NECAB1: variants seen among roughly 807,000 people sequenced by gnomAD.
NECAB1 encodes N-terminal EF-hand calcium-binding protein 1.
In NECAB1, 29 loss-of-function variants were observed where a neutral mutation model predicts 57.5. The observed-to-expected ratio is 0.50, with a 90% confidence interval of 0.38 to 0.69. The LOEUF (loss-of-function observed/expected upper bound fraction) is 0.69, where lower values mean the gene tolerates loss of function less well. NECAB1 is among the 30% of genes least tolerant of loss of function. NECAB1 has a pLI of 0.00. For synonymous variants in NECAB1, 142 were observed against 147.7 expected (o/e 0.96, Z 0.28); for missense variants, 372 against 413.8 (o/e 0.90, Z 0.88).
intron 3 of NECAB1, among the ~76,000 whole-genome samples, chr8:90,834,293 T>A (rs1047244751): frequency 3.3e-5 from 5 of 152,120 alleles, no homozygotes; most frequent in African/African-American, 1.2e-4. Flanking sequence ...AGGAAAATAT[T>A]TCCCCCACTG....
At chr8:90,906,889 A>ATATATATATATATATATGTATGTATG (rs1586111020) in intron 5 of NECAB1, among the ~76,000 whole-genome samples, 3 of 72,862 alleles carry the variant, frequency 4.1e-5, no homozygotes, top group East Asian at 1.1e-3. Flanking sequence ...ATATATATAT[A>ATATATATATATATATATGTATGTATG]TATATATATA....
At position 90,830,506 on chromosome 8, in the gene NECAB1, G is replaced by C. The variant is rs113642418; in HGVS notation, c.233+5681G>C. Among the ~76,000 whole-genome samples, 52 of 152,214 alleles carry C rather than the reference G, an allele frequency of 3.4e-4. 1 individual carries two copies. The highest frequency in any genetic ancestry group is 1.2e-3 in the African/African-American group (50 of 41,562). Reference sequence around the variant, plus strand: ...GCAATGAACAAACCGGGCTTGCCAGGCTTGGGTTTCAGCAATACAAATTTG... The same window carrying C: ...GCAATGAACAAACCGGGCTTGCCAGCCTTGGGTTTCAGCAATACAAATTTG... On this transcript the variant is annotated intron_variant, in intron 3 of 12. Transcript: ENST00000417640.
Position 90,811,017 on chromosome 8 carries a change from G to A in NECAB1, c.124+9302G>A, listed in dbSNP as rs1057046199. 8.6e-5 allele frequency among the ~76,000 whole-genome samples: 13 copies of A among 150,614 alleles called. 1 individual carries two copies. The highest frequency in any genetic ancestry group is 1.5e-4 in the Non-Finnish European group (10 of 67,798). ...GGCTGGAGCGCAGTGGTGCAATCTC[G>A]GCTCACCGCAACCTCCACCTCCCAG... On this transcript the variant is annotated intron_variant, in intron 2 of 12. Transcript: ENST00000417640.
At chr8:90,839,409 T>G (rs1321393619) in intron 3 of NECAB1, among the ~76,000 whole-genome samples, 1 of 152,186 alleles carries the variant, frequency 6.6e-6, no homozygotes, top group Non-Finnish European at 1.5e-5. Context: ...GTTCTCCATG[T>G]GCAAGTTATT....
At chr8:90,951,857 T>C (rs1313650855) in intron 12 of NECAB1, among the ~76,000 whole-genome samples, 3 of 152,050 alleles carry the variant, frequency 2.0e-5, no homozygotes, top group African/African-American at 7.2e-5. Context: ...ACTTCTTTAA[T>C]AGTTTTTAAG....
intron 6 of NECAB1, among the ~76,000 whole-genome samples, chr8:90,921,479 G>A (rs1474637816): frequency 6.6e-6 from 1 of 152,016 alleles, no homozygotes; most frequent in Non-Finnish European, 1.5e-5. Context: ...GACCAGCCTG[G>A]CCAACATGAT....
rs77105070 is a variant in NECAB1 at position 90,826,201 on chromosome 8, T to A, written c.233+1376T>A. Among the ~76,000 whole-genome samples, 1,389 of 152,002 alleles carry A rather than the reference T, an allele frequency of 9.1e-3. 15 individuals carry two copies. Among genetic ancestry groups the A allele is most frequent in the Middle Eastern group, 0.017 (5 of 294 alleles). ...AAGGTGAAGAGCAGCAACAAGTAGT[T>A]TCTTACTACTAAAGTATCAGCTGGA... On this transcript the variant is annotated intron_variant, in intron 3 of 12. Coordinates refer to ENST00000417640, the MANE Select transcript of NECAB1 (RefSeq NM_022351.5).
Position 90,927,204 on chromosome 8 carries a change from C to CTCTTTTTTTTTT in NECAB1, c.617-1018_617-1017insCTTTTTTTTTTT, listed in dbSNP as rs10630870. ...CAATCAGCCCCTTTCTTTTCTCTCT[C>CTCTTTTTTTTTT]TTTTTTTTTTTTTTGTAGCCACTTC... On this transcript the variant is annotated intron_variant, in intron 7 of 12. Coordinates refer to ENST00000417640, the MANE Select transcript of NECAB1 (RefSeq NM_022351.5). Among the ~76,000 whole-genome samples the CTCTTTTTTTTTT allele has an allele frequency of 4.9e-4, 64 of 131,106 alleles. 2 individuals carry two copies. The highest frequency in any genetic ancestry group is 1.6e-3 in the East Asian group (7 of 4,418). The allele number at this position is 131,106 out of a possible 152,430, so 86.0% of individuals were successfully genotyped here. A position where few individuals can be genotyped will look rare whatever the true frequency, so the allele number is the denominator to read the frequency against.
chr8:90,924,270 CA>C (rs1810204229), intron 6 of NECAB1, among the ~76,000 whole-genome samples: 1 of 152,086 alleles, frequency 6.6e-6, no homozygotes, highest in African/African-American at 2.4e-5. Context: ...TTTATTCATG[CA>C]ATGTTTCAAG....
chr8:90,839,396 G>A (rs1475203789), intron 3 of NECAB1, among the ~76,000 whole-genome samples: 1 of 152,146 alleles, frequency 6.6e-6, no homozygotes, highest in African/African-American at 2.4e-5. Context: ...AGGAGTTCCT[G>A]GTGTTCTCCA....
chr8:90,937,634 G>T (rs1459563798), intron 9 of NECAB1, among the ~76,000 whole-genome samples: 1 of 152,154 alleles, frequency 6.6e-6, no homozygotes, highest in East Asian at 1.9e-4. Context: ...GAGTACTGGA[G>T]TAAGATGATC....
rs571117678 is a variant in NECAB1 at position 90,875,888 on chromosome 8, T to C, written c.259+3735T>C. On this transcript the variant is annotated intron_variant, in intron 4 of 12. Transcript: ENST00000417640. ...TACCGGGCGTGGTGGCAGGCGCCTG[T>C]AGTCCCAGCTACTCTGGAGGCTGAG... Among the ~76,000 whole-genome samples, 29 of 148,110 alleles carry C rather than the reference T, an allele frequency of 2.0e-4. No homozygotes were observed. In the South Asian group the frequency reaches 5.8e-3, roughly 29 times the overall value.
intron 3 of NECAB1, among the ~76,000 whole-genome samples, chr8:90,862,575 G>A (rs1031758926): frequency 6.6e-6 from 1 of 152,056 alleles, no homozygotes; most frequent in Non-Finnish European, 1.5e-5. Context: ...GGTCCTGAAG[G>A]GACATATGCA....
chr8:90,875,247 C>T (rs1218355723), intron 4 of NECAB1, among the ~76,000 whole-genome samples: 6 of 147,020 alleles, frequency 4.1e-5, no homozygotes, highest in East Asian at 4.1e-4. Context: ...TTTGGGAGGC[C>T]GAGGCGGGTG....
intron 2 of NECAB1, among the ~76,000 whole-genome samples, chr8:90,816,557 TTA>T (rs780889936): frequency 6.6e-6 from 1 of 151,860 alleles, no homozygotes; most frequent in Non-Finnish European, 1.5e-5. Flanking sequence ...ATCCAGTGAT[TTA>T]TGCACTATTT....
intron 6 of NECAB1, among the ~76,000 whole-genome samples, chr8:90,921,781 A>T (rs1471626829): frequency 2.0e-5 from 3 of 152,230 alleles, no homozygotes; most frequent in Non-Finnish European, 4.4e-5. Flanking sequence ...TTGGGATTTA[A>T]TATTTGTGAA....
chr8:90,856,150 G>C (rs1485790859), intron 3 of NECAB1, among the ~76,000 whole-genome samples: 1 of 152,058 alleles, frequency 6.6e-6, no homozygotes, highest in Admixed American at 6.6e-5. Context: ...GCAAAATCTA[G>C]ACTAGTTTTG....
chr8:90,794,112 A>C (rs1049558905), intron 1 of NECAB1, among the ~76,000 whole-genome samples: 5 of 152,206 alleles, frequency 3.3e-5, no homozygotes, highest in Non-Finnish European at 5.9e-5. Flanking sequence ...CTACAAAAAA[A>C]ACCTGCCATT....
chr8:90,942,057 C>G (rs973903133), intron 10 of NECAB1, among the ~76,000 whole-genome samples: 1 of 152,062 alleles, frequency 6.6e-6, no homozygotes, highest in Non-Finnish European at 1.5e-5. Flanking sequence ...TCTCAGTGTT[C>G]AATTAATTAT....
Sources: gnomAD v4.1 joint callset for allele counts (sites outside exome capture counted in the v4.1 genomes callset) on GRCh38, gnomAD v4.1.1 for gene constraint, MANE v1.5 for transcripts, NCBI Gene and HGNC (gene_info 2026-07-23, HGNC 2026-07-21) for gene names.